The following NTM variants were observed in gnomAD, a reference collection of about 807,000 sequenced individuals.
NTM encodes neurotrimin.
NTM carries 13 observed loss-of-function variants against 42.1 expected under a neutral mutation model. That is an observed-to-expected ratio of 0.31 (90% confidence interval 0.20 to 0.49). The LOEUF is 0.49. Among genes scored for constraint, NTM ranks in the 20% least tolerant of loss-of-function variants. NTM has a pLI of 0.99. For synonymous variants in NTM, 187 were observed against 179.2 expected (o/e 1.04, Z -0.35); for missense variants, 373 against 452.8 (o/e 0.82, Z 1.60).
At chr11:132,044,079 T>TG (rs2077590364) in intron 2 of NTM, among the ~76,000 whole-genome samples, 1 of 100,126 alleles carries the variant, frequency 1.0e-5, no homozygotes, top group African/African-American at 2.7e-5. Flanking sequence ...TGTGTATGTG[T>TG]TTGTGTGTAT....
intron 2 of NTM, among the ~76,000 whole-genome samples, chr11:132,142,235 T>C (rs536941855): frequency 2.6e-5 from 4 of 152,322 alleles, no homozygotes; most frequent in Admixed American, 2.6e-4. Context: ...TATTCCTCCA[T>C]ATCTGATGAG....
At chr11:131,962,700 C>T (rs1001363872) in intron 2 of NTM, among the ~76,000 whole-genome samples, 11 of 152,172 alleles carry the variant, frequency 7.2e-5, no homozygotes, top group African/African-American at 2.7e-4. Flanking sequence ...CACAAAGTTC[C>T]GTGTCCTCAT....
At chr11:131,690,126 G>A (rs2074467215) in intron 1 of NTM, among the ~76,000 whole-genome samples, 1 of 152,124 alleles carries the variant, frequency 6.6e-6, no homozygotes, top group African/African-American at 2.4e-5. Flanking sequence ...CCTATTTGTG[G>A]AACTGGGTAG....
intron 1 of NTM, among the ~76,000 whole-genome samples, chr11:131,449,177 A>G (rs1482637092): frequency 6.6e-6 from 1 of 152,188 alleles, no homozygotes; most frequent in Non-Finnish European, 1.5e-5. Flanking sequence ...CAGCACGGAC[A>G]CCGTGGCTGG....
chr11:131,647,794 AG>A (rs2065950717), intron 1 of NTM, among the ~76,000 whole-genome samples: 1 of 152,150 alleles, frequency 6.6e-6, no homozygotes, highest in Non-Finnish European at 1.5e-5. Context: ...CAGAAGAAAA[AG>A]TTAATGTATG....
chr11:132,120,201 G>C (rs2064553927), intron 2 of NTM, among the ~76,000 whole-genome samples: 1 of 152,004 alleles, frequency 6.6e-6, no homozygotes, highest in Non-Finnish European at 1.5e-5. Flanking sequence ...GAGCAGCTCT[G>C]GCTTTAAAAC....
At chr11:131,875,795 A>C (rs1473933210) in intron 1 of NTM, among the ~76,000 whole-genome samples, 2 of 152,148 alleles carry the variant, frequency 1.3e-5, no homozygotes, top group African/African-American at 4.8e-5. Flanking sequence ...TGGCAGGGAA[A>C]GAGCTCTTTC....
chr11:131,922,458 G>A (rs1444448431), intron 2 of NTM, among the ~76,000 whole-genome samples: 5 of 152,194 alleles, frequency 3.3e-5, no homozygotes, highest in Non-Finnish European at 7.3e-5. Context: ...ACCACGGCCA[G>A]CTACTCCATC....
chr11:131,550,575 C>T (rs1235898666), intron 1 of NTM, among the ~76,000 whole-genome samples: 1 of 152,174 alleles, frequency 6.6e-6, no homozygotes, highest in East Asian at 1.9e-4. Flanking sequence ...TCGCCTTCTG[C>T]CATGATTGTT....
At chr11:131,771,090 G>C (rs563655800) in intron 1 of NTM, 4 of 152,094 alleles carry the variant, frequency 2.6e-5, no homozygotes, top group African/African-American at 9.6e-5. Context: ...GCTGTAAAAT[G>C]CAAACACCAC....
intron 2 of NTM, among the ~76,000 whole-genome samples, chr11:131,944,764 G>A (rs1374495340): frequency 6.6e-6 from 1 of 152,168 alleles, no homozygotes; most frequent in African/African-American, 2.4e-5. Flanking sequence ...TTATGTGTTG[G>A]AGTATATGCC....
At chr11:131,513,842 G>C (rs115394053) in intron 1 of NTM, among the ~76,000 whole-genome samples, 2 of 152,096 alleles carry the variant, frequency 1.3e-5, no homozygotes, top group Non-Finnish European at 2.9e-5. Context: ...GCAAGGCCCC[G>C]AGGTTAAGTT....
intron 1 of NTM, among the ~76,000 whole-genome samples, chr11:131,874,004 TATA>T (rs1032399737): frequency 2.6e-4 from 26 of 98,454 alleles, no homozygotes; most frequent in Non-Finnish European, 4.9e-4. Context: ...TATATTTACA[TATA>T]ATATATTTAT....
At chr11:131,907,320 C>A (rs758546794) in intron 1 of NTM, among the ~76,000 whole-genome samples, 17 of 152,194 alleles carry the variant, frequency 1.1e-4, no homozygotes, top group Admixed American at 1.0e-3. Context: ...CTGTTCCAGC[C>A]CTGCTTCAGT....
At chr11:132,031,916 C>A (rs929642760) in intron 2 of NTM, among the ~76,000 whole-genome samples, 1 of 151,884 alleles carries the variant, frequency 6.6e-6, no homozygotes, top group African/African-American at 2.4e-5. Flanking sequence ...GCTCAAAGGC[C>A]CTCCCACTCA....
intron 1 of NTM, among the ~76,000 whole-genome samples, chr11:131,612,102 A>C (rs1466502999): frequency 6.6e-6 from 1 of 152,198 alleles, no homozygotes; most frequent in Non-Finnish European, 1.5e-5. Context: ...CCACATCCTA[A>C]GGACATTTGA....
At chr11:131,515,434 G>C (rs986574704) in intron 1 of NTM, among the ~76,000 whole-genome samples, 44 of 152,256 alleles carry the variant, frequency 2.9e-4, no homozygotes, top group African/African-American at 7.7e-4. Flanking sequence ...TTAATCACCT[G>C]CAGCAGCAAC....
intron 1 of NTM, among the ~76,000 whole-genome samples, chr11:131,661,768 T>G (rs556455565): frequency 6.6e-6 from 1 of 152,130 alleles, no homozygotes; most frequent in Non-Finnish European, 1.5e-5. Flanking sequence ...CTCTTTTTTT[T>G]CCCCCTGTGA....
intron 4 of NTM, among the ~76,000 whole-genome samples, chr11:132,270,417 C>T (rs112233892): frequency 2.0e-4 from 31 of 151,824 alleles, no homozygotes; most frequent in African/African-American, 6.0e-4. Flanking sequence ...TTAGTAGAGA[C>T]GGGGTTTCAC....
Sources: allele counts gnomAD v4.1 joint callset (sites outside exome capture counted in the v4.1 genomes callset), GRCh38; gene constraint gnomAD v4.1.1; transcripts MANE v1.5; gene names NCBI Gene and HGNC (gene_info 2026-07-23, HGNC 2026-07-21).